The following RGS8 variants were observed in gnomAD, a reference collection of about 807,000 sequenced individuals.
RGS8 encodes the protein regulator of G protein signaling 8, also known as regulator of G-protein signaling 8.
Under a neutral mutation model 21.7 loss-of-function variants are expected in RGS8, and 8 were observed. That is an observed-to-expected ratio of 0.37 (90% CI 0.22 to 0.66). RGS8 has a LOEUF of 0.66. Among genes scored for constraint, RGS8 ranks in the 30% least tolerant of loss-of-function variants. RGS8 has a pLI of 0.59. For synonymous variants in RGS8, 80 were observed against 83.6 expected (o/e 0.96, Z 0.24); for missense variants, 157 against 217.9 (o/e 0.72, Z 1.76).
intron 5 of RGS8, among the ~76,000 whole-genome samples, chr1:182,657,755 G>A (rs777058966): frequency 6.6e-6 from 1 of 152,220 alleles, no homozygotes; most frequent in Non-Finnish European, 1.5e-5. Flanking sequence ...TCTGGGATGT[G>A]GTAAGTTCAT....
At chr1:182,663,752 C>T (rs947785623) in intron 5 of RGS8, among the ~76,000 whole-genome samples, 5 of 152,188 alleles carry the variant, frequency 3.3e-5, no homozygotes, top group African/African-American at 1.2e-4. Context: ...TGGCCCTGAA[C>T]TCCTAAGCTC....
At chr1:182,665,330 C>T (rs1201515990) in intron 5 of RGS8, among the ~76,000 whole-genome samples, 22 of 152,152 alleles carry the variant, frequency 1.4e-4, no homozygotes. Context: ...ATTGCCCTCT[C>T]CACACCACAA....
upstream of RGS8, among the ~76,000 whole-genome samples, chr1:182,686,310 C>A (rs1161616110): frequency 3.3e-5 from 5 of 151,958 alleles, no homozygotes; most frequent in Non-Finnish European, 7.4e-5. Context: ...AAGTGTTGAT[C>A]GAATTTTTTT....
the RGS8 span, among the ~76,000 whole-genome samples, chr1:182,739,835 G>A: frequency 6.6e-6 from 1 of 152,136 alleles, no homozygotes; most frequent in Admixed American, 6.6e-5. Flanking sequence ...CAGCAGCAGA[G>A]ACCAGAGAGC....
chr1:182,740,032 T>C, the RGS8 span, among the ~76,000 whole-genome samples: 1 of 152,216 alleles, frequency 6.6e-6, no homozygotes, highest in Non-Finnish European at 1.5e-5. Flanking sequence ...ATCCAGAGTT[T>C]AATAACAGCC....
At chr1:182,676,385 A>G (rs1664358071), upstream of RGS8, among the ~76,000 whole-genome samples, 1 of 152,190 alleles carries the variant, frequency 6.6e-6, no homozygotes, top group African/African-American at 2.4e-5. Flanking sequence ...TCTGGTCAGC[A>G]TGCTAAAGCT....
chr1:182,650,545 A>C (rs1185449729), intron 5 of RGS8, among the ~76,000 whole-genome samples: 1 of 152,198 alleles, frequency 6.6e-6, no homozygotes, highest in Non-Finnish European at 1.5e-5. Context: ...TAAGTTTGGA[A>C]GCCTGAGCTT....
At chr1:182,731,412 G>T in the RGS8 span, among the ~76,000 whole-genome samples, 1 of 152,068 alleles carries the variant, frequency 6.6e-6, no homozygotes. Flanking sequence ...CAAGACTTTT[G>T]TCACCCATCT....
chr1:182,716,337 G>T, the RGS8 span, among the ~76,000 whole-genome samples: 4 of 151,960 alleles, frequency 2.6e-5, no homozygotes, highest in Admixed American at 6.6e-5. Flanking sequence ...TGTTGCCCAG[G>T]CTGGTCTTGA....
At chr1:182,669,839 G>A in intron 2 of RGS8, 87 bp from the exon 4 acceptor site, 4 of 1,393,804 alleles carry the variant, frequency 2.9e-6, no homozygotes, top group Middle Eastern at 2.5e-4. Flanking sequence ...TCCGCCAGCG[G>A]AACACCTCCC....
intron 5 of RGS8, among the ~76,000 whole-genome samples, chr1:182,659,352 T>C (rs1663466815): frequency 6.6e-6 from 1 of 152,216 alleles, no homozygotes; most frequent in African/African-American, 2.4e-5. Context: ...AGTGTCCCCC[T>C]AACAGGGTGA....
chr1:182,654,415 G>T (rs1028766184), intron 5 of RGS8, among the ~76,000 whole-genome samples: 6 of 152,102 alleles, frequency 3.9e-5, no homozygotes, highest in Non-Finnish European at 8.8e-5. Context: ...GCAAGAAAAG[G>T]GACATATTTG....
chr1:182,651,329 A>T (rs953194588), intron 5 of RGS8, among the ~76,000 whole-genome samples: 3 of 152,218 alleles, frequency 2.0e-5, no homozygotes, highest in Admixed American at 1.3e-4. Context: ...CCTACTGAAC[A>T]TCACAGCTCA....
chr1:182,741,314 A>AT, the RGS8 span, among the ~76,000 whole-genome samples: 2 of 97,484 alleles, frequency 2.1e-5, no homozygotes, highest in East Asian at 3.3e-4. Context: ...TGGGGGGCTG[A>AT]CCCCCCACCT....
intron 1 of RGS8, among the ~76,000 whole-genome samples, chr1:182,678,700 C>G (rs1664446823): frequency 6.6e-6 from 1 of 152,176 alleles, no homozygotes; most frequent in Non-Finnish European, 1.5e-5. Flanking sequence ...GGCCTGTTTG[C>G]TCACCTCCAC....
At chr1:182,674,430 T>A (rs1394294855), upstream of RGS8, among the ~76,000 whole-genome samples, 8 of 152,002 alleles carry the variant, frequency 5.3e-5, no homozygotes, top group Admixed American at 5.2e-4. Context: ...TGGACATGAA[T>A]AACACAAGGA....
At chr1:182,667,639 C>T (rs1663938448) in intron 3 of RGS8, among the ~76,000 whole-genome samples, 1 of 152,198 alleles carries the variant, frequency 6.6e-6, no homozygotes, top group African/African-American at 2.4e-5. Flanking sequence ...TTCCTATTTA[C>T]ATTTTGGCTT....
chr1:182,676,884 T>G (rs929692921), upstream of RGS8, among the ~76,000 whole-genome samples: 2 of 152,220 alleles, frequency 1.3e-5, no homozygotes, highest in African/African-American at 4.8e-5. Flanking sequence ...TTTCCTCATC[T>G]GTAAAACACA....
chr1:182,751,575 T>C, the RGS8 span, among the ~76,000 whole-genome samples: 5 of 152,200 alleles, frequency 3.3e-5, no homozygotes, highest in Non-Finnish European at 7.3e-5. Context: ...GGAGCTTAAA[T>C]GACCTCTGAG....
Sources: gnomAD v4.1 joint callset for allele counts (sites outside exome capture counted in the v4.1 genomes callset) on GRCh38, gnomAD v4.1.1 for gene constraint, MANE v1.5 for transcripts, NCBI Gene and HGNC (gene_info 2026-07-23, HGNC 2026-07-21) for gene names.